ACAN: variants seen among roughly 807,000 people sequenced by gnomAD.
ACAN encodes aggrecan core protein.
In ACAN, 47 loss-of-function variants were observed where a neutral mutation model predicts 169.1. The observed-to-expected ratio is 0.28, with a 90% CI of 0.22 to 0.35. The LOEUF (loss-of-function observed/expected upper bound fraction) is 0.35, where lower values mean the gene tolerates loss of function less well. Among genes scored for constraint, ACAN ranks in the 10% least tolerant of loss-of-function variants. ACAN has a pLI of 1.00. For synonymous variants in ACAN, 1,115 were observed against 1,112.2 expected (o/e 1.00, Z -0.05); for missense variants, 2,716 against 2,759.9 (o/e 0.98, Z 0.36).
rs1053988790 is a variant in ACAN, at chr15:88,875,283, C to T, written c.*802C>T. 2 of 151,152 alleles carry T rather than the reference C, an allele frequency of 1.3e-5. No individual in the cohort carries two copies. The highest frequency in any genetic ancestry group is 3.0e-5 in the Non-Finnish European group (2 of 67,680). The allele number at this position is 151,152 out of a possible 1,614,324, so 9.4% of individuals were successfully genotyped here. The stretch of plus-strand genomic sequence containing the variant: ...CGGGACCGTGCAGGCACCAGGGTTC[C>T]GTGCACCTATTTATATTTTTGAAAA... On this transcript the variant is annotated 3_prime_UTR_variant, in exon 19 of 19. Coordinates refer to ENST00000560601, the MANE Select transcript of ACAN (RefSeq NM_001369268.1). This position sits in a 1 kb window ranked among gnomAD's most constrained non-coding sequence, Gnocchi z 4.8.
At chr15:88,860,772 A>G (rs1335061426) in intron 13 of ACAN, among the ~76,000 whole-genome samples, 1 of 152,200 alleles carries the variant, frequency 6.6e-6, no homozygotes, top group Non-Finnish European at 1.5e-5. Context: ...TGAGTATTAA[A>G]TACAGCGGGT....
rs1356255793 is a variant in ACAN, at chr15:88,843,796, A to C, written c.1051+148A>C. ...CCCCATGTTTTTAGGACACCCCTCC[A>C]TTTTCACTGGTTCCTAGGAAGCCCT... On this transcript the variant is annotated intron_variant, in intron 6 of 18. Transcript: ENST00000560601. The surrounding 1 kb of genome is among the most constrained non-coding windows in gnomAD (Gnocchi z 4.0). The C allele has an allele frequency of 2.0e-6, 2 of 978,448 alleles. No homozygotes were observed. Among genetic ancestry groups the C allele is most frequent in the Non-Finnish European group, 2.9e-6 (2 of 690,050 alleles). The allele number at this position is 978,448 out of a possible 1,614,324, so 60.6% of individuals were successfully genotyped here.
rs1897361528 is a variant in ACAN at position 88,870,813 on chromosome 15, A to G, written c.7061-569A>G. 1.3e-5 allele frequency among the ~76,000 whole-genome samples: 2 copies of G among 152,074 alleles called. No individual in the cohort carries two copies. Among genetic ancestry groups the G allele is most frequent in the South Asian group, 4.1e-4 (2 of 4,826 alleles). On this transcript the variant is annotated intron_variant, in intron 14 of 18. Coordinates refer to ENST00000560601, the MANE Select transcript of ACAN (RefSeq NM_001369268.1). The surrounding 1 kb of genome is among the most constrained non-coding windows in gnomAD (Gnocchi z 6.3). ...GGCACAGTGTGCTTAACTAAAGCCA[A>G]CTCTGATCAACAGCCTTAGAGCTCT...
chr15:88,825,884 T>C (rs1896205000), intron 1 of ACAN, among the ~76,000 whole-genome samples: 1 of 152,188 alleles, frequency 6.6e-6, no homozygotes, highest in Non-Finnish European at 1.5e-5. Flanking sequence ...GCCAGCTCTG[T>C]TTTTATTGTT....
Position 88,872,656 on chromosome 15 carries a change from G to A in ACAN, c.7303-225G>A, listed in dbSNP as rs1185936491. Among the ~76,000 whole-genome samples, 1 of 152,150 alleles carries A rather than the reference G, an allele frequency of 6.6e-6. No homozygotes were observed. The highest frequency in any genetic ancestry group is 1.5e-5 in the Non-Finnish European group (1 of 68,030). ...GGTTCTGAGCTCCTGAGAAGGACCT[G>A]AGCCAAGCTGTGTGACTGATTCCCT... On this transcript the variant is annotated intron_variant, in intron 16 of 18. Transcript: ENST00000560601. This position sits in a 1 kb window ranked among gnomAD's most constrained non-coding sequence, Gnocchi z 5.4.
chr15:88,857,683 C>G lies in ACAN; in HGVS notation c.5098C>G (p.Leu1700Val). 2 of 1,614,024 alleles carry G rather than the reference C, an allele frequency of 1.2e-6. No individual in the cohort carries two copies. Among genetic ancestry groups the G allele is most frequent in the Non-Finnish European group, 1.7e-6 (2 of 1,179,900 alleles). ...GEISGLPSSE[L>V]DISGRASGLP... ...AATATCTGGACTGCCCTCCAGTGAG[C>G]TGGACATTAGTGGGAGAGCTAGTGG... Residue 1700 changes from leucine to valine, a missense_variant, in exon 12 of 19, where the codon CTG becomes GTG. Leu to Val is a conservative substitution (Grantham distance 32). Around this residue, in one of 3 missense-constraint regions of ACAN, gnomAD observed 1,389 missense variants for 1,363.7 expected, o/e 1.02. Coordinates refer to ENST00000560601, the MANE Select transcript of ACAN (RefSeq NM_001369268.1).
chr15:88,845,833 C>T lies in ACAN; in HGVS notation c.1380C>T (p.Asp460=), dbSNP rs1896781485. ...CTGCCACGGCATTCACCAGTGAGGA[C>T]CTCGTCGTGCAGGTGACCGCTGTCC... ...LGPATAFTSE[D]LVVQVTAVPG... Residue 460 remains aspartate, a synonymous_variant, in exon 7 of 19, where the codon GAC becomes GAT. Transcript: ENST00000560601. 6.7e-7 allele frequency: 1 copy of T among 1,501,446 alleles called. No homozygotes were observed. Among genetic ancestry groups the T allele is most frequent in the African/African-American group, 1.4e-5 (1 of 71,716 alleles). The allele number at this position is 1,501,446 out of a possible 1,614,324, so 93.0% of individuals were successfully genotyped here. A position where few individuals can be genotyped will look rare whatever the true frequency, so the allele number is the denominator to read the frequency against.
chr15:88,858,980 C>T lies in ACAN; in HGVS notation c.6395C>T (p.Thr2132Ile). Reference sequence around the variant, plus strand: ...TCTGGGTCCCCTGATCTGAGTGAAACCACCTCTGCATTCCACGAAGCTAAC... The same window carrying T: ...TCTGGGTCCCCTGATCTGAGTGAAATCACCTCTGCATTCCACGAAGCTAAC... ...EDSGSPDLSETTSAFHEANLE... is the reference protein window; with the variant it reads ...EDSGSPDLSEITSAFHEANLE... Residue 2132 changes from threonine (T) to isoleucine (I), a missense_variant, in exon 12 of 19, where the codon ACC becomes ATC. Coordinates refer to ENST00000560601, the MANE Select transcript of ACAN (RefSeq NM_001369268.1). The surrounding 1 kb of genome is among the most constrained non-coding windows in gnomAD (Gnocchi z 4.0). The T allele has an allele frequency of 6.2e-7, 1 of 1,613,790 alleles. No individual in the cohort carries two copies. Among genetic ancestry groups the T allele is most frequent in the Non-Finnish European group, 8.5e-7 (1 of 1,179,792 alleles).
chr15:88,857,754 T>C lies in ACAN; in HGVS notation c.5169T>C (p.Pro1723=). ...TCAGTGGCCAAGCATCTGGGTCTCC[T>C]GATGTCAGTGGGGAAATACCTGGAC... ...TELSGQASGS[P]DVSGEIPGLF... is the part of the protein sequence containing the mutation. The change falls in exon 12 of 19, where the codon CCT becomes CCC. Residue 1723 remains proline (P), a synonymous_variant. Transcript: ENST00000560601. 2 of 1,613,950 alleles carry C rather than the reference T, an allele frequency of 1.2e-6. No individual in the cohort carries two copies. Among genetic ancestry groups the C allele is most frequent in the Non-Finnish European group, 1.7e-6 (2 of 1,179,892 alleles).
intron 1 of ACAN, among the ~76,000 whole-genome samples, chr15:88,822,319 G>A (rs373213726): frequency 7.2e-5 from 11 of 152,322 alleles, no homozygotes; most frequent in African/African-American, 2.6e-4. Context: ...TTCGGGCAAA[G>A]TTAATCCTTT....
In ACAN at chr15:88,845,580, C is replaced by G. The variant is rs377176198; in HGVS notation, c.1127C>G (p.Thr376Ser). The G allele has an allele frequency of 2.0e-5, 33 of 1,614,018 alleles. No individual in the cohort carries two copies. The African/African-American group carries it at 4.1e-4, about 20-fold the overall frequency. ...GAGGACATCACCGTCCAGACAGTGACCTGGCCTGACATGGAGCTGCCACTG... is the reference window on the plus strand; with the variant it reads ...GAGGACATCACCGTCCAGACAGTGAGCTGGCCTGACATGGAGCTGCCACTG... ...GEEDITVQTV[T>S]WPDMELPLPR... The change falls in exon 7 of 19, where the codon ACC (threonine) becomes AGC (serine). Residue 376 changes from threonine to serine, a missense_variant. This residue lies in a region of ACAN where 1,283 missense variants were observed against 1,281.5 expected (regional missense o/e 1.00). Transcript: ENST00000560601.
chr15:88,840,989 C>CA lies in ACAN; in HGVS notation c.630-745dup, dbSNP rs569138428. On this transcript the variant is annotated intron_variant, in intron 4 of 18. Coordinates refer to ENST00000560601, the MANE Select transcript of ACAN (RefSeq NM_001369268.1). The stretch of plus-strand genomic sequence containing the variant: ...GAAACCCCATCTCTACTAAAAAATA[C>CA]AAAAAATTAGCCAGGCGTGGTGGTG... Among the ~76,000 whole-genome samples the CA allele has an allele frequency of 2.7e-3, 405 of 152,108 alleles. 3 individuals are homozygous for CA. In the East Asian group the frequency reaches 0.036, roughly 14 times the overall value.
At chr15:88,863,524 A>G (rs976397169) in intron 13 of ACAN, among the ~76,000 whole-genome samples, 8 of 152,262 alleles carry the variant, frequency 5.3e-5, no homozygotes, top group African/African-American at 1.9e-4. Context: ...GTGCCAGCCA[A>G]GGATGAAAAA....
chr15:88,831,057 AAAG>A (rs1332354240), intron 1 of ACAN, among the ~76,000 whole-genome samples: 5 of 152,092 alleles, frequency 3.3e-5, no homozygotes, highest in African/African-American at 9.7e-5. Context: ...AGAAAAAGAA[AAAG>A]AAGAAGTCTC....
rs139702762 is a variant in ACAN at position 88,824,091 on chromosome 15, G to T, written c.-7-12109G>T. On this transcript the variant is annotated intron_variant, in intron 1 of 18. Coordinates refer to ENST00000560601, the MANE Select transcript of ACAN (RefSeq NM_001369268.1). Reference sequence around the variant, plus strand: ...TGTAATCCCAACACTTTGGGAGGCCGAGGCAGGCAGACCACGAGATCAGGA... The same window carrying T: ...TGTAATCCCAACACTTTGGGAGGCCTAGGCAGGCAGACCACGAGATCAGGA... 7.2e-5 allele frequency among the ~76,000 whole-genome samples: 11 copies of T among 152,176 alleles called. No homozygotes were observed. The East Asian group carries it at 1.5e-3, about 21-fold the overall frequency.
In ACAN at chr15:88,851,674, C is replaced by T. The variant is rs540434669; in HGVS notation, c.2027-120C>T. 8.0e-7 allele frequency: 1 copy of T among 1,255,700 alleles called. No homozygotes were observed. Among genetic ancestry groups the T allele is most frequent in the African/African-American group, 1.5e-5 (1 of 65,984 alleles). The allele number at this position is 1,255,700 out of a possible 1,614,324, so 77.8% of individuals were successfully genotyped here. A position where few individuals can be genotyped will look rare whatever the true frequency, so the allele number is the denominator to read the frequency against. On this transcript the variant is annotated intron_variant, in intron 10 of 18. Coordinates refer to ENST00000560601, the MANE Select transcript of ACAN (RefSeq NM_001369268.1). This position sits in a 1 kb window ranked among gnomAD's most constrained non-coding sequence, Gnocchi z 4.3. ...AAGCGAGAAGGCAAACAGCCATCTGCTGAACTAGGAGGTGGGGCCTGGCCA... is the reference window on the plus strand; with the variant it reads ...AAGCGAGAAGGCAAACAGCCATCTGTTGAACTAGGAGGTGGGGCCTGGCCA...
At chr15:88,847,187 T>A in intron 7 of ACAN, 56 bp from the exon 8 acceptor site, 2 of 1,476,318 alleles carry the variant, frequency 1.4e-6, no homozygotes, top group Non-Finnish European at 1.8e-6. Context: ...CCATGGAGCC[T>A]TGGAAGCTGC....
Position 88,843,427 on chromosome 15 carries a change from G to T in ACAN, c.830G>T (p.Gly277Val), listed in dbSNP as rs1309739026. 3 of 1,608,064 alleles carry T rather than the reference G, an allele frequency of 1.9e-6. No individual in the cohort carries two copies. Among genetic ancestry groups the T allele is most frequent in the Non-Finnish European group, 2.6e-6 (3 of 1,175,952 alleles). ...GCAGCCAATGAGTGCCGGCGGCTGGGTGCCCGGCTGGCCACCACGGGCCAG... is the reference window on the plus strand; with the variant it reads ...GCAGCCAATGAGTGCCGGCGGCTGGTTGCCCGGCTGGCCACCACGGGCCAG... ...QEAANECRRL[G>V]ARLATTGQLY... The change falls in exon 6 of 19, where the codon GGT (glycine) becomes GTT (valine). Residue 277 changes from glycine (G) to valine (V), a missense_variant. By Grantham distance (109) the Gly-to-Val change is moderately radical. Coordinates refer to ENST00000560601, the MANE Select transcript of ACAN (RefSeq NM_001369268.1). This position sits in a 1 kb window ranked among gnomAD's most constrained non-coding sequence, Gnocchi z 4.0.
Position 88,868,419 on chromosome 15 carries a change from C to A in ACAN, c.7060+90C>A. 2 of 615,658 alleles carry A rather than the reference C, an allele frequency of 3.2e-6. No homozygotes were observed. The allele number at this position is 615,658 out of a possible 1,614,324, so 38.1% of individuals were successfully genotyped here. ...TCCCTCCTAACAACAGGCTCCAGGC[C>A]CTGGCTGGGGCCCCCGAGGTTCATC... is the stretch of plus-strand genomic sequence containing the variant. On this transcript the variant is annotated intron_variant, in intron 14 of 18. Transcript: ENST00000560601. This position sits in a 1 kb window ranked among gnomAD's most constrained non-coding sequence, Gnocchi z 5.2.
Sources: allele counts gnomAD v4.1 joint callset (sites outside exome capture counted in the v4.1 genomes callset), GRCh38; gene constraint gnomAD v4.1.1; regional missense constraint gnomAD v4.1.1; non-coding constraint Gnocchi (gnomAD v3.1); transcripts MANE v1.5; gene names NCBI Gene and HGNC (gene_info 2026-07-23, HGNC 2026-07-21).